The following TBC1D8 variants were observed in gnomAD, a reference collection of about 807,000 sequenced individuals.
TBC1D8 encodes BUB2-like protein 1.
In TBC1D8, 65 loss-of-function variants were observed where a neutral mutation model predicts 118.8. The ratio of observed to expected loss-of-function variants is 0.55; its 90% CI spans 0.45 to 0.67. The LOEUF (loss-of-function observed/expected upper bound fraction) is 0.67, where lower values mean the gene tolerates loss of function less well. Among genes scored for constraint, TBC1D8 ranks in the 30% least tolerant of loss-of-function variants. The pLI is 0.00. For missense variants in TBC1D8, 1,376 were observed against 1,471.2 expected, an observed-to-expected ratio of 0.94 and a Z score of 1.06; for synonymous variants, 566 against 595.8, an observed-to-expected ratio of 0.95 and a Z score of 0.73.
chr2:101,103,896 GA>G (rs1395872972), intron 1 of TBC1D8, among the ~76,000 whole-genome samples: 3 of 150,762 alleles, frequency 2.0e-5, no homozygotes, highest in African/African-American at 4.9e-5. Flanking sequence ...AGAGAGAGAA[GA>G]AAAAAACAAA....
At chr2:101,143,825 T>A (rs565955299) in intron 1 of TBC1D8, among the ~76,000 whole-genome samples, 3 of 152,224 alleles carry the variant, frequency 2.0e-5, no homozygotes, top group Non-Finnish European at 4.4e-5. Flanking sequence ...GCTCCCAAAG[T>A]GCTAGGACTA....
chr2:101,045,284 G>C (rs1341619045), intron 5 of TBC1D8, among the ~76,000 whole-genome samples: 2 of 152,194 alleles, frequency 1.3e-5, no homozygotes, highest in Non-Finnish European at 2.9e-5. Flanking sequence ...TGCAAATCCA[G>C]AGTTATATTT....
At chr2:101,052,323 G>A (rs1360251311) in intron 4 of TBC1D8, among the ~76,000 whole-genome samples, 1 of 152,176 alleles carries the variant, frequency 6.6e-6, no homozygotes, top group Non-Finnish European at 1.5e-5. Flanking sequence ...TCTCAGAAAG[G>A]TTTCTAACAG....
intron 1 of TBC1D8, among the ~76,000 whole-genome samples, chr2:101,091,540 T>C (rs1008948986): frequency 1.3e-5 from 2 of 152,000 alleles, no homozygotes; most frequent in East Asian, 3.9e-4. Context: ...GGCTGGGCAA[T>C]ACAGTGAGAT....
intron 1 of TBC1D8, among the ~76,000 whole-genome samples, chr2:101,098,581 G>A (rs928325335): frequency 5.3e-5 from 8 of 152,174 alleles, no homozygotes; most frequent in South Asian, 4.1e-4. Context: ...AGTGCCACAC[G>A]GCACTTATTC....
Position 101,028,317 on chromosome 2 carries a change from G to A in TBC1D8, c.2338C>T (p.Arg780Trp), listed in dbSNP as rs199616962. 20 of 1,612,306 alleles carry A rather than the reference G, an allele frequency of 1.2e-5. No individual in the cohort carries two copies. In the African/African-American group the frequency reaches 1.6e-4, roughly 13 times the overall value. Residue 780 changes from arginine (R) to tryptophan (W), a missense_variant, in exon 13 of 20, where the codon CGG becomes TGG. Physicochemically the swap from Arg to Trp is moderately radical, Grantham distance 101 (BLOSUM62 -3). Transcript: ENST00000409318. ...GTTCCCGTTACCTCATAGGAATCCC[G>A]GATCAGGTCCGAAATATCAGTCACA... Reference protein sequence around the residue: ...YPVTDISDLIRDSYEKFGDQS... With the variant: ...YPVTDISDLIWDSYEKFGDQS...
rs11683877 is a variant in TBC1D8 at position 101,028,393 on chromosome 2, G to A, written c.2262C>T (p.Pro754=). The change falls in exon 13 of 20, where the codon CCC becomes CCT. Residue 754 remains proline, a synonymous_variant. Coordinates refer to ENST00000409318, the MANE Select transcript of TBC1D8 (RefSeq NM_001330348.2). ...DHIKNEDSPG[P]PVGSHHAFFS... is the part of the protein sequence containing the mutation. ...AAAAGGCATGGTGGCTGCCAACTGG[G>A]GGCCCTGGGCTGTCCTCATTCTTAA... The A allele has an allele frequency of 0.28, 457,186 of 1,607,020 alleles. 68,595 individuals are homozygous for A. Among genetic ancestry groups the A allele is most frequent in the South Asian group, 0.36 (32,445 of 89,836 alleles).
intron 1 of TBC1D8, among the ~76,000 whole-genome samples, chr2:101,092,579 A>T (rs1356883287): frequency 6.6e-6 from 1 of 152,032 alleles, no homozygotes; most frequent in African/African-American, 2.4e-5. Flanking sequence ...AAGGGTTATA[A>T]TCTATTACTA....
At chr2:101,147,734 T>A (rs992073546) in intron 1 of TBC1D8, among the ~76,000 whole-genome samples, 1 of 152,146 alleles carries the variant, frequency 6.6e-6, no homozygotes, top group African/African-American at 2.4e-5. Context: ...AGTTCCTTAT[T>A]ATCCCACTCA....
intron 1 of TBC1D8, among the ~76,000 whole-genome samples, chr2:101,129,124 T>A (rs1482791982): frequency 6.6e-6 from 1 of 152,170 alleles, no homozygotes; most frequent in African/African-American, 2.4e-5. Flanking sequence ...AGTTTTTGTG[T>A]GTGTGTTTTA....
intron 1 of TBC1D8, among the ~76,000 whole-genome samples, chr2:101,098,005 C>T (rs1346095063): frequency 6.6e-6 from 1 of 152,050 alleles, no homozygotes; most frequent in Non-Finnish European, 1.5e-5. Flanking sequence ...GTATAGTTGA[C>T]ATGCTAAAGA....
chr2:101,059,831 C>T (rs549373558), intron 2 of TBC1D8, among the ~76,000 whole-genome samples: 3 of 152,114 alleles, frequency 2.0e-5, no homozygotes, highest in East Asian at 3.9e-4. Flanking sequence ...CCCAGCTACT[C>T]GGGAGGCTGA....
chr2:101,038,252 T>TGTGA, intron 7 of TBC1D8, among the ~76,000 whole-genome samples: 1 of 152,254 alleles, frequency 6.6e-6, no homozygotes, highest in East Asian at 1.9e-4. Context: ...CCTTCTCACC[T>TGTGA]GTGAGGGGTG....
At chr2:101,054,678 T>TC in intron 3 of TBC1D8, among the ~76,000 whole-genome samples, 2 of 111,376 alleles carry the variant, frequency 1.8e-5, no homozygotes, top group African/African-American at 7.2e-5. Flanking sequence ...TTTTCTTTTT[T>TC]TTTTTTTTTT....
At chr2:101,124,276 T>A (rs759798718) in intron 1 of TBC1D8, among the ~76,000 whole-genome samples, 16 of 152,140 alleles carry the variant, frequency 1.1e-4, no homozygotes, top group South Asian at 2.1e-4. Context: ...TGTACACACA[T>A]GTATAAAAGA....
chr2:101,010,750 C>A (rs888455009), intron 19 of TBC1D8, among the ~76,000 whole-genome samples, 179 bp downstream of exon 19: 1 of 151,964 alleles, frequency 6.6e-6, no homozygotes, highest in Admixed American at 6.6e-5. Context: ...GACGTGGTTG[C>A]ACACGCCTGT....
intron 18 of TBC1D8, 82 bp downstream of exon 18, chr2:101,011,369 G>T: frequency 7.5e-7 from 1 of 1,341,310 alleles, no homozygotes. Flanking sequence ...GCTGCTACAA[G>T]AAGAGGGATG....
intron 17 of TBC1D8, among the ~76,000 whole-genome samples, chr2:101,016,239 C>A (rs1378918609): frequency 2.0e-5 from 3 of 152,134 alleles, no homozygotes; most frequent in African/African-American, 4.8e-5. Context: ...AAAAAACAAA[C>A]AACGCCATCA....
intron 17 of TBC1D8, chr2:101,018,033 A>T (rs1679782001): frequency 2.6e-6 from 3 of 1,167,766 alleles, no homozygotes; most frequent in Non-Finnish European, 3.6e-6. Flanking sequence ...CTACATATCA[A>T]CCCCTTTTTC....
Sources: gnomAD v4.1 joint callset for allele counts (sites outside exome capture counted in the v4.1 genomes callset) on GRCh38, gnomAD v4.1.1 for gene constraint, MANE v1.5 for transcripts, NCBI Gene and HGNC (gene_info 2026-07-23, HGNC 2026-07-21) for gene names.